PTPRD: variants seen among roughly 807,000 people sequenced by gnomAD.
The protein encoded by PTPRD is receptor-type tyrosine-protein phosphatase delta.
Under a neutral mutation model 214.5 loss-of-function variants are expected in PTPRD, and 34 were observed. That is an observed-to-expected ratio of 0.16 (90% CI 0.12 to 0.21). The LOEUF is 0.21. Among genes scored for constraint, PTPRD ranks in the 10% least tolerant of loss-of-function variants. The pLI is 1.00. For missense variants in PTPRD, 2,545 were observed against 2,398.7 expected (o/e 1.06, Z -1.27); for synonymous variants, 1,128 against 845.7 (o/e 1.33, Z -5.79).
chr9:9,466,420 T>C (rs571014621), intron 8 of PTPRD, among the ~76,000 whole-genome samples: 4 of 152,338 alleles, frequency 2.6e-5, no homozygotes, highest in African/African-American at 7.2e-5. Context: ...AAAATATTCA[T>C]CTGTAGTGAA....
chr9:8,679,236 G>C (rs889929276), intron 12 of PTPRD, among the ~76,000 whole-genome samples: 7 of 152,168 alleles, frequency 4.6e-5, no homozygotes, highest in African/African-American at 1.4e-4. Flanking sequence ...CTTCAAAGCA[G>C]TTTGTTCATT....
intron 39 of PTPRD, among the ~76,000 whole-genome samples, chr9:8,356,065 G>C (rs980910459): frequency 2.0e-5 from 3 of 152,130 alleles, no homozygotes; most frequent in African/African-American, 4.8e-5. Context: ...CAATGGAAAG[G>C]AGAGACCGCA....
At chr9:9,960,584 G>A (rs1297655849) in intron 4 of PTPRD, among the ~76,000 whole-genome samples, 1 of 152,084 alleles carries the variant, frequency 6.6e-6, no homozygotes, top group Non-Finnish European at 1.5e-5. Flanking sequence ...GGGATGAGAT[G>A]AAAATGGTAC....
intron 3 of PTPRD, among the ~76,000 whole-genome samples, chr9:10,209,063 T>A (rs1286582522): frequency 6.6e-6 from 1 of 152,216 alleles, no homozygotes; most frequent in Non-Finnish European, 1.5e-5. Flanking sequence ...ATGTTTAAGT[T>A]TTATGAATGC....
At chr9:8,408,951 G>A (rs576811225) in intron 35 of PTPRD, among the ~76,000 whole-genome samples, 1 of 152,236 alleles carries the variant, frequency 6.6e-6, no homozygotes, top group African/African-American at 2.4e-5. Flanking sequence ...CATTTATTTA[G>A]TCTTTAACTT....
chr9:9,546,681 T>A (rs1349142192), intron 8 of PTPRD, among the ~76,000 whole-genome samples: 1 of 151,898 alleles, frequency 6.6e-6, no homozygotes, highest in Non-Finnish European at 1.5e-5. Context: ...ATTCTGTGTT[T>A]ATAGTAATAA....
At chr9:9,682,437 T>A (rs1314413477) in intron 7 of PTPRD, among the ~76,000 whole-genome samples, 1 of 151,840 alleles carries the variant, frequency 6.6e-6, no homozygotes, top group Non-Finnish European at 1.5e-5. Context: ...TTTCAGAGAC[T>A]TTCAAGGTTT....
intron 21 of PTPRD, among the ~76,000 whole-genome samples, chr9:8,508,857 G>A (rs1379748685): frequency 2.7e-5 from 4 of 150,350 alleles, no homozygotes; most frequent in Non-Finnish European, 4.4e-5. Context: ...CCTCTGGTAA[G>A]TCAGCCTGTG....
At chr9:9,770,282 C>A (rs888607538) in intron 5 of PTPRD, among the ~76,000 whole-genome samples, 9 of 152,174 alleles carry the variant, frequency 5.9e-5, no homozygotes, top group African/African-American at 1.7e-4. Flanking sequence ...AGTTTCCTGA[C>A]TTTTTAATGA....
intron 5 of PTPRD, among the ~76,000 whole-genome samples, chr9:9,771,385 T>A (rs893628650): frequency 6.6e-6 from 1 of 152,210 alleles, no homozygotes; most frequent in Non-Finnish European, 1.5e-5. Context: ...ATAATTATTT[T>A]ATGTCATTTG....
intron 22 of PTPRD, among the ~76,000 whole-genome samples, chr9:8,505,615 ACT>A (rs1386201312): frequency 7.7e-6 from 1 of 129,106 alleles, no homozygotes; most frequent in East Asian, 2.1e-4. Flanking sequence ...GAGTGAGGAG[ACT>A]CTGTCTCAAA....
chr9:9,557,863 C>A (rs2081925497), intron 8 of PTPRD, among the ~76,000 whole-genome samples: 1 of 152,162 alleles, frequency 6.6e-6, no homozygotes, highest in Non-Finnish European at 1.5e-5. Context: ...CACTCAGGGG[C>A]TATAGGCAGG....
At chr9:10,242,092 G>C (rs1274760987) in intron 3 of PTPRD, among the ~76,000 whole-genome samples, 1 of 151,788 alleles carries the variant, frequency 6.6e-6, no homozygotes, top group Non-Finnish European at 1.5e-5. Context: ...CCTGTGAAGA[G>C]GAAAACCTGA....
intron 2 of PTPRD, among the ~76,000 whole-genome samples, chr9:10,412,781 C>T (rs2098450496): frequency 6.6e-6 from 1 of 151,834 alleles, no homozygotes; most frequent in African/African-American, 2.4e-5. Flanking sequence ...TAGGCTTCAT[C>T]TCCAGGATGC....
At chr9:9,258,340 G>T (rs928979188) in intron 9 of PTPRD, among the ~76,000 whole-genome samples, 25 of 151,704 alleles carry the variant, frequency 1.6e-4, no homozygotes, top group Non-Finnish European at 5.9e-5. Flanking sequence ...GAAACCCCAG[G>T]ATACACATTT....
chr9:8,764,510 T>G (rs1430763687), intron 11 of PTPRD, among the ~76,000 whole-genome samples: 1 of 152,060 alleles, frequency 6.6e-6, no homozygotes, highest in Non-Finnish European at 1.5e-5. Flanking sequence ...AAGAATGGGT[T>G]ATTTGAGCCA....
At chr9:10,426,056 T>C (rs753803728) in intron 2 of PTPRD, among the ~76,000 whole-genome samples, 3 of 152,156 alleles carry the variant, frequency 2.0e-5, no homozygotes, top group Non-Finnish European at 2.9e-5. Flanking sequence ...ATTTTGGATA[T>C]GGATCATTTC....
chr9:9,905,388 A>G (rs1452045248), intron 5 of PTPRD, among the ~76,000 whole-genome samples: 2 of 151,992 alleles, frequency 1.3e-5, no homozygotes, highest in Non-Finnish European at 2.9e-5. Context: ...CATATAAAAT[A>G]CATTCTAAAT....
intron 35 of PTPRD, among the ~76,000 whole-genome samples, chr9:8,429,739 G>A (rs2094921289): frequency 6.6e-6 from 1 of 152,146 alleles, no homozygotes; most frequent in Non-Finnish European, 1.5e-5. Flanking sequence ...TGAGACTGGA[G>A]ACAGTCCACA....
Sources: allele counts gnomAD v4.1 joint callset (sites outside exome capture counted in the v4.1 genomes callset), GRCh38; gene constraint gnomAD v4.1.1; transcripts MANE v1.5; gene names NCBI Gene and HGNC (gene_info 2026-07-23, HGNC 2026-07-21).